The following CKAP5 variants were observed in gnomAD, a reference collection of about 807,000 sequenced individuals.
CKAP5 encodes the protein cytoskeleton-associated protein 5.
Under a neutral mutation model 232.8 loss-of-function variants are expected in CKAP5, and 27 were observed. That is an observed-to-expected ratio of 0.12 (90% CI 0.09 to 0.16). The LOEUF is 0.16. Among genes scored for constraint, CKAP5 ranks in the 10% least tolerant of loss-of-function variants. The pLI, the probability that CKAP5 is intolerant of heterozygous loss-of-function variation, is 1.00. For synonymous variants in CKAP5, 785 were observed against 841.1 expected, an observed-to-expected ratio of 0.93 and a Z score of 1.16; for missense variants, 1,838 against 2,424.7, an observed-to-expected ratio of 0.76 and a Z score of 5.08.
chr11:46,832,206 A>G (rs1414016057), intron 1 of CKAP5, among the ~76,000 whole-genome samples: 1 of 152,200 alleles, frequency 6.6e-6, no homozygotes, highest in Non-Finnish European at 1.5e-5. Context: ...GTGTTGAGAA[A>G]ACAATATATA....
intron 9 of CKAP5, among the ~76,000 whole-genome samples, chr11:46,800,939 T>C (rs1487597390): frequency 6.6e-6 from 1 of 151,420 alleles, no homozygotes; most frequent in Non-Finnish European, 1.5e-5. Flanking sequence ...AAATAAGTAA[T>C]AAGCAAATAA....
chr11:46,762,374 A>C, intron 31 of CKAP5, 181 bp from the exon 32 acceptor site: 1 of 867,080 alleles, frequency 1.2e-6, no homozygotes, highest in Non-Finnish European at 1.9e-6. Flanking sequence ...AGTGCTCCTG[A>C]AAGGAAGAGA....
chr11:46,770,392 A>G (rs2065237283), intron 25 of CKAP5: 1 of 376,016 alleles, frequency 2.7e-6, no homozygotes. Context: ...TGAGACTCAC[A>G]GGAGGTAATA....
At chr11:46,824,788 C>A (rs536834298) in intron 1 of CKAP5, among the ~76,000 whole-genome samples, 1 of 152,148 alleles carries the variant, frequency 6.6e-6, no homozygotes, top group African/African-American at 2.4e-5. Flanking sequence ...ATATAAGAAC[C>A]AAGTTTTTGC....
At chr11:46,810,620 T>C (rs920763768) in intron 5 of CKAP5, among the ~76,000 whole-genome samples, 1 of 152,184 alleles carries the variant, frequency 6.6e-6, no homozygotes, top group Non-Finnish European at 1.5e-5. Context: ...GAAGAAAATA[T>C]ATAATTAAAT....
intron 28 of CKAP5, among the ~76,000 whole-genome samples, chr11:46,764,411 T>C (rs941972320): frequency 6.6e-6 from 1 of 152,142 alleles, no homozygotes; most frequent in Non-Finnish European, 1.5e-5. Flanking sequence ...GAAAGGTACA[T>C]ACATACAATG....
chr11:46,818,787 CT>C (rs1592480114), intron 2 of CKAP5, among the ~76,000 whole-genome samples: 1 of 152,086 alleles, frequency 6.6e-6, no homozygotes, highest in African/African-American at 2.4e-5. Flanking sequence ...ATTATTACTT[CT>C]TTATAATATT....
chr11:46,794,967 C>T (rs957335407), intron 13 of CKAP5, among the ~76,000 whole-genome samples: 7 of 152,146 alleles, frequency 4.6e-5, no homozygotes, highest in Non-Finnish European at 7.3e-5. Context: ...AAAAGCATTA[C>T]GGCAATGGAT....
At chr11:46,787,491 C>T (rs2065405969) in intron 16 of CKAP5, among the ~76,000 whole-genome samples, 1 of 152,104 alleles carries the variant, frequency 6.6e-6, no homozygotes, top group South Asian at 2.1e-4. Context: ...CTATACCCAC[C>T]CCTTAGACTA....
chr11:46,768,011 G>C (rs1436633483), intron 26 of CKAP5, among the ~76,000 whole-genome samples: 4 of 152,008 alleles, frequency 2.6e-5, no homozygotes, highest in Non-Finnish European at 5.9e-5. Flanking sequence ...GCCCAGGCTG[G>C]TCTCAAACTC....
rs955613839 is a variant in CKAP5, at chr11:46,743,234, G to C, written c.*789C>G. ...ATCTTGTGTGCCTTTGGTCAGCAAA[G>C]TGGTAGGATGCCCAAGAGCTTCTTG... On this transcript the variant is annotated 3_prime_UTR_variant, in exon 44 of 44. Transcript: ENST00000529230. The C allele has an allele frequency of 6.6e-6, 1 of 152,200 alleles. No individual in the cohort carries two copies. The highest frequency in any genetic ancestry group is 2.4e-5 in the African/African-American group (1 of 41,454). The allele number at this position is 152,200 out of a possible 1,614,324, so 9.4% of individuals were successfully genotyped here.
At chr11:46,830,217 A>G (rs992260165) in intron 1 of CKAP5, among the ~76,000 whole-genome samples, 1 of 152,030 alleles carries the variant, frequency 6.6e-6, no homozygotes, top group African/African-American at 2.4e-5. Flanking sequence ...CAAGGCAGGC[A>G]GATCACAAGG....
chr11:46,760,704 C>T lies in CKAP5; in HGVS notation c.4302G>A (p.Gln1434=). The T allele has an allele frequency of 1.2e-6, 2 of 1,614,214 alleles. No individual in the cohort carries two copies. The highest frequency in any genetic ancestry group is 1.7e-6 in the Non-Finnish European group (2 of 1,180,036). Residue 1434 remains glutamine (Q), a synonymous_variant, in exon 33 of 44, where the codon CAG becomes CAA. Coordinates refer to ENST00000529230, the MANE Select transcript of CKAP5 (RefSeq NM_001008938.4). ...AKRPSAAPIK[Q]VEEKPQRAQN... ...GTGCACGCTGAGGTTTCTCTTCCAC[C>T]TGTTTTATTGGTGCAGCAGAGGGTC...
chr11:46,787,193 C>T (rs1424420559), intron 16 of CKAP5, among the ~76,000 whole-genome samples: 2 of 152,090 alleles, frequency 1.3e-5, no homozygotes, highest in African/African-American at 4.8e-5. Context: ...GAAGAGGGCA[C>T]CTCAAGAATC....
intron 12 of CKAP5, among the ~76,000 whole-genome samples, chr11:46,796,521 T>A (rs1036687690): frequency 1.3e-5 from 2 of 152,210 alleles, no homozygotes; most frequent in African/African-American, 4.8e-5. Flanking sequence ...AAAGCTAAGT[T>A]TTCAAACTCG....
At chr11:46,772,733 CTT>C (rs139098308) in intron 24 of CKAP5, among the ~76,000 whole-genome samples, 3 of 145,604 alleles carry the variant, frequency 2.1e-5, no homozygotes, top group African/African-American at 2.5e-5. Context: ...AGTGATTCCT[CTT>C]TTTTTTTTTT....
At chr11:46,836,392 TGTC>T (rs1413783928) in intron 1 of CKAP5, among the ~76,000 whole-genome samples, 3 of 152,222 alleles carry the variant, frequency 2.0e-5, no homozygotes, top group Non-Finnish European at 4.4e-5. Flanking sequence ...AAAAAGGTAA[TGTC>T]GTGAAAACGA....
At chr11:46,747,750 T>C (rs1344598463) in intron 42 of CKAP5, among the ~76,000 whole-genome samples, 3 of 152,122 alleles carry the variant, frequency 2.0e-5, no homozygotes, top group African/African-American at 7.2e-5. Context: ...GACATATGCC[T>C]GGTGTGTTCC....
Position 46,788,845 on chromosome 11 carries a change from T to C in CKAP5, c.1876-72A>G, listed in dbSNP as rs1036947306. The C allele has an allele frequency of 4.7e-6, 5 of 1,064,160 alleles. No individual in the cohort carries two copies. In the South Asian group the frequency reaches 6.7e-5, roughly 14 times the overall value. The allele number at this position is 1,064,160 out of a possible 1,614,324, so 65.9% of individuals were successfully genotyped here. On this transcript the variant is annotated intron_variant, in intron 15 of 43. Coordinates refer to ENST00000529230, the MANE Select transcript of CKAP5 (RefSeq NM_001008938.4). The stretch of plus-strand genomic sequence containing the variant: ...TCCAAAGGAAGAGTAAATACCAAAG[T>C]CAAGTAAGTGGTTACCTCTGAAGAA...
Sources: gnomAD v4.1 joint callset for allele counts (sites outside exome capture counted in the v4.1 genomes callset) on GRCh38, gnomAD v4.1.1 for gene constraint, MANE v1.5 for transcripts, NCBI Gene and HGNC (gene_info 2026-07-23, HGNC 2026-07-21) for gene names.